PRKN: variants seen among roughly 807,000 people sequenced by gnomAD.
The protein encoded by PRKN is parkin RBR E3 ubiquitin protein ligase, also known as E3 ubiquitin-protein ligase parkin.
Under a neutral mutation model 59.5 loss-of-function variants are expected in PRKN, and 56 were observed. The ratio of observed to expected loss-of-function variants is 0.94; its 90% confidence interval spans 0.76 to 1.18. The LOEUF is 1.18. PRKN is among the 50% of genes most tolerant of loss of function. The probability of loss-of-function intolerance (pLI) is 0.00; values close to 1 mark genes in which losing one functional copy is unlikely to be tolerated. For missense variants in PRKN, 657 were observed against 596.4 expected (o/e 1.10, Z -1.06); for synonymous variants, 250 against 222.1 (o/e 1.13, Z -1.12).
chr6:161,370,204 G>T lies in PRKN; in HGVS notation c.1168-9999C>A, dbSNP rs922007845. 2.0e-5 allele frequency among the ~76,000 whole-genome samples: 3 copies of T among 151,506 alleles called. No individual in the cohort carries two copies. The East Asian group carries it at 5.8e-4, about 29-fold the overall frequency. ...AGTCTAGGAGTTCAAGGCCAGACTG[G>T]TCAATATAATGAGACCCTGTCTCTA... On this transcript the variant is annotated intron_variant, in intron 10 of 11. Transcript: ENST00000366898.
intron 1 of PRKN, among the ~76,000 whole-genome samples, chr6:162,715,715 G>T (rs529336608): frequency 6.6e-6 from 1 of 152,142 alleles, no homozygotes; most frequent in South Asian, 2.1e-4. Context: ...GTATGGCATG[G>T]AAAACTGCAC....
rs188914748 is a variant in PRKN, at chr6:161,917,580, A to G, written c.734+55722T>C. Among the ~76,000 whole-genome samples, 13 of 152,334 alleles carry G rather than the reference A, an allele frequency of 8.5e-5. No individual in the cohort carries two copies. The East Asian group carries it at 2.3e-3, about 27-fold the overall frequency. The stretch of plus-strand genomic sequence containing the variant: ...AATTCTTAAGGTTAACACAGCCAGG[A>G]GAATTATATGGCCAAGTGAATAGAT... On this transcript the variant is annotated intron_variant, in intron 6 of 11. Transcript: ENST00000366898.
At chr6:162,268,724 C>T (rs1780242339) in intron 2 of PRKN, among the ~76,000 whole-genome samples, 1 of 152,098 alleles carries the variant, frequency 6.6e-6, no homozygotes, top group African/African-American at 2.4e-5. Context: ...AGGGTAGGAA[C>T]CCAGGCCATC....
chr6:162,099,200 G>C, intron 4 of PRKN, among the ~76,000 whole-genome samples: 1 of 152,214 alleles, frequency 6.6e-6, no homozygotes, highest in Middle Eastern at 3.4e-3. Flanking sequence ...CTCTGGCCAC[G>C]GGCCGTCAGG....
At chr6:162,269,577 A>G (rs148364255) in intron 2 of PRKN, 1 of 152,338 alleles carries the variant, frequency 6.6e-6, no homozygotes, top group Non-Finnish European at 1.5e-5. Flanking sequence ...TTTTATCAGC[A>G]TACTGATCAG....
chr6:162,065,020 G>T (rs1245174972), intron 4 of PRKN, among the ~76,000 whole-genome samples: 1 of 152,240 alleles, frequency 6.6e-6, no homozygotes, highest in Non-Finnish European at 1.5e-5. Flanking sequence ...GAATATGGTT[G>T]AATCAAATTG....
In PRKN at chr6:161,369,291, A is replaced by G. The variant is rs1785346034; in HGVS notation, c.1168-9086T>C. Among the ~76,000 whole-genome samples the G allele has an allele frequency of 6.6e-6, 1 of 152,162 alleles. No homozygotes were observed. Among genetic ancestry groups the G allele is most frequent in the African/African-American group, 2.4e-5 (1 of 41,428 alleles). On this transcript the variant is annotated intron_variant, in intron 10 of 11. Transcript: ENST00000366898. This position sits in a 1 kb window ranked among gnomAD's most constrained non-coding sequence, Gnocchi z 5.8. ...CCCAAGGCTTGTGTCCAGACTCTGG[A>G]GATTGGGATTCAGTAGGTCTGTGGC...
intron 2 of PRKN, among the ~76,000 whole-genome samples, chr6:162,377,318 G>A (rs1377418394): frequency 1.3e-5 from 2 of 152,190 alleles, no homozygotes; most frequent in African/African-American, 4.8e-5. Context: ...AGAGGACTGG[G>A]CTGGCATTAA....
At chr6:162,323,724 T>A (rs1368305332) in intron 2 of PRKN, among the ~76,000 whole-genome samples, 2 of 152,066 alleles carry the variant, frequency 1.3e-5, no homozygotes, top group Non-Finnish European at 2.9e-5. Context: ...CCTATCAGAA[T>A]GTCTAAAATT....
rs187346397 is a variant in PRKN at position 162,326,775 on chromosome 6, T to C, written c.172-64010A>G. On this transcript the variant is annotated intron_variant, in intron 2 of 11. Coordinates refer to ENST00000366898, the MANE Select transcript of PRKN (RefSeq NM_004562.3). The stretch of plus-strand genomic sequence containing the variant: ...ACTTAGGAAGAAAATAACACTAGCA[T>C]AGATTTAAATAGTTTTCTATGCAAT... Among the ~76,000 whole-genome samples the C allele has an allele frequency of 4.4e-3, 671 of 152,300 alleles. 8 individuals are homozygous for C. Among genetic ancestry groups the C allele is most frequent in the Non-Finnish European group, 5.9e-3 (402 of 68,024 alleles).
At chr6:161,998,070 ATATAT>A (rs1467477126) in intron 5 of PRKN, among the ~76,000 whole-genome samples, 3 of 152,256 alleles carry the variant, frequency 2.0e-5, no homozygotes, top group Non-Finnish European at 2.9e-5. Context: ...AACATAAAAC[ATATAT>A]TATATGGTTA....
At chr6:162,310,018 C>T (rs940867447) in intron 2 of PRKN, among the ~76,000 whole-genome samples, 1 of 152,144 alleles carries the variant, frequency 6.6e-6, no homozygotes, top group African/African-American at 2.4e-5. Context: ...CAGCTCCATC[C>T]ATGTCCCTGC....
At chr6:162,638,664 C>T (rs192860600) in intron 1 of PRKN, among the ~76,000 whole-genome samples, 100 of 151,742 alleles carry the variant, frequency 6.6e-4, no homozygotes, top group African/African-American at 1.8e-3. Context: ...ACTTTCACTG[C>T]GCCCCAAAAC....
chr6:162,132,267 TG>T (rs1781394207), intron 4 of PRKN, among the ~76,000 whole-genome samples: 2 of 152,108 alleles, frequency 1.3e-5, no homozygotes, highest in South Asian at 4.1e-4. Flanking sequence ...TCATGACGGC[TG>T]GGCTCTATTT....
Position 161,584,468 on chromosome 6 carries a change from T to C in PRKN, c.872-15052A>G, listed in dbSNP as rs1781452990. 6.6e-6 allele frequency among the ~76,000 whole-genome samples: 1 copy of C among 152,246 alleles called. No homozygotes were observed. The highest frequency in any genetic ancestry group is 6.5e-5 in the Admixed American group (1 of 15,282). On this transcript the variant is annotated intron_variant, in intron 7 of 11. Transcript: ENST00000366898. The surrounding 1 kb of genome is among the most constrained non-coding windows in gnomAD (Gnocchi z 4.8). ...AATAATAGTTCTTCTATTATAATCT[T>C]CATGTGCCAAATTGGGGGAAAAAAC...
chr6:162,359,075 A>ATATATATATATATATATATAT (rs201414794), intron 2 of PRKN, among the ~76,000 whole-genome samples: 1 of 101,142 alleles, frequency 9.9e-6, no homozygotes, highest in African/African-American at 5.4e-5. Context: ...AAAAAAAAAA[A>ATATATATATATATATATATAT]AAAAATATAT....
At chr6:162,113,446 T>A (rs1780528091) in intron 4 of PRKN, among the ~76,000 whole-genome samples, 1 of 152,152 alleles carries the variant, frequency 6.6e-6, no homozygotes, top group African/African-American at 2.4e-5. Context: ...GAAAAGAGAA[T>A]CTTCTTAAGT....
intron 5 of PRKN, among the ~76,000 whole-genome samples, chr6:162,028,598 G>A (rs1216273201): frequency 6.6e-6 from 1 of 152,180 alleles, no homozygotes; most frequent in East Asian, 1.9e-4. Flanking sequence ...AGACTCTGAG[G>A]AGCTACGGGC....
In PRKN at chr6:161,484,370, G is replaced by A. The variant is rs112450850; in HGVS notation, c.1083+64484C>T. On this transcript the variant is annotated intron_variant, in intron 9 of 11. Transcript: ENST00000366898. This position sits in a 1 kb window ranked among gnomAD's most constrained non-coding sequence, Gnocchi z 4.9. ...ATCCAGCCTGAAGAAAGCCTTTCTT[G>A]TTGCTGCTATTTGTATCATTATTTC... Among the ~76,000 whole-genome samples, 3 of 152,076 alleles carry A rather than the reference G, an allele frequency of 2.0e-5. No homozygotes were observed. The highest frequency in any genetic ancestry group is 2.1e-4 in the South Asian group (1 of 4,822).
Sources: gnomAD v4.1 joint callset for allele counts (sites outside exome capture counted in the v4.1 genomes callset) on GRCh38, gnomAD v4.1.1 for gene constraint, Gnocchi (gnomAD v3.1) non-coding constraint, MANE v1.5 for transcripts, NCBI Gene and HGNC (gene_info 2026-07-23, HGNC 2026-07-21) for gene names.